Variants in CPAMD8 observed in about 807,000 individuals in gnomAD.
CPAMD8 encodes C3 and PZP-like alpha-2-macroglobulin domain-containing protein 8.
In CPAMD8, 146 loss-of-function variants were observed where a neutral mutation model predicts 224.7. That is an observed-to-expected ratio of 0.65 (90% confidence interval 0.57 to 0.75). The LOEUF is 0.75. Ranked by LOEUF, CPAMD8 falls within the 30% of genes least tolerant of loss-of-function variation. The pLI is 0.00. For missense variants in CPAMD8, 2,301 were observed against 2,537.5 expected (o/e 0.91, Z 2.00); for synonymous variants, 966 against 1,044.6 (o/e 0.92, Z 1.45).
intron 25 of CPAMD8, 95 bp downstream of exon 25, chr19:16,927,914 G>T: frequency 1.1e-6 from 1 of 907,110 alleles, no homozygotes; most frequent in South Asian, 1.4e-5. Flanking sequence ...CAAGACACAG[G>T]TCCCCAGCAA....
chr19:17,005,200 G>T (rs1458990608), intron 7 of CPAMD8, among the ~76,000 whole-genome samples: 4 of 151,442 alleles, frequency 2.6e-5, no homozygotes, highest in African/African-American at 9.7e-5. Flanking sequence ...TGCCAATATC[G>T]CCCCTAGGGG....
chr19:16,912,013 T>C (rs1413334236), intron 29 of CPAMD8, among the ~76,000 whole-genome samples: 1 of 152,170 alleles, frequency 6.6e-6, no homozygotes, highest in Non-Finnish European at 1.5e-5. Context: ...TAAAGCCTAA[T>C]GATCTGTCAC....
chr19:16,923,202 T>G (rs1170455595), intron 26 of CPAMD8, among the ~76,000 whole-genome samples: 1 of 152,044 alleles, frequency 6.6e-6, no homozygotes, highest in East Asian at 1.9e-4. Context: ...TGCAAGGGCA[T>G]AGGGAGCCAT....
Position 16,967,894 on chromosome 19 carries a change from T to TGTATATATGTGCATATACACACACACAC in CPAMD8, c.2213+2996_2213+2997insGTGTGTGTGTGTATATGCACATATATAC, listed in dbSNP as rs1568540084. On this transcript the variant is annotated intron_variant, in intron 18 of 41. Transcript: ENST00000443236. ...ATATGTGCATATATACACACACATG[T>TGTATATATGTGCATATACACACACACAC]GTGTGTATATATGTGCATATATACA... is the stretch of plus-strand genomic sequence containing the variant. Among the ~76,000 whole-genome samples the TGTATATATGTGCATATACACACACACAC allele has an allele frequency of 2.9e-4, 5 of 17,270 alleles. 1 individual carries two copies. Among genetic ancestry groups the TGTATATATGTGCATATACACACACACAC allele is most frequent in the African/African-American group, 3.7e-4 (5 of 13,460 alleles). 11.3% of individuals were successfully genotyped at this position (17,270 alleles called of 152,430 possible). A position where few individuals can be genotyped will look rare whatever the true frequency, so the allele number is the denominator to read the frequency against.
intron 30 of CPAMD8, 61 bp downstream of exon 30, chr19:16,906,891 A>T: frequency 6.8e-7 from 1 of 1,461,350 alleles, no homozygotes; most frequent in Non-Finnish European, 9.4e-7. Flanking sequence ...TGAGTTGTTT[A>T]CCAGACTCCA....
rs1286043008 is a variant in CPAMD8 at position 16,898,271 on chromosome 19, A to C, written c.4849-277T>G. Among the ~76,000 whole-genome samples, 2 of 151,016 alleles carry C rather than the reference A, an allele frequency of 1.3e-5. No homozygotes were observed. The highest frequency in any genetic ancestry group is 4.9e-5 in the African/African-American group (2 of 41,020). On this transcript the variant is annotated intron_variant, in intron 37 of 41. Coordinates refer to ENST00000443236, the MANE Select transcript of CPAMD8 (RefSeq NM_015692.5). This position sits in a 1 kb window ranked among gnomAD's most constrained non-coding sequence, Gnocchi z 4.2. ...ATGATTCTCCTGCCTCAGCCTCCCA[A>C]GTAGCTGGGATAACAGGCGCCCACC...
chr19:16,943,060 T>G (rs1272817654), intron 22 of CPAMD8, among the ~76,000 whole-genome samples: 2 of 148,162 alleles, frequency 1.3e-5, no homozygotes, highest in East Asian at 3.9e-4. Context: ...CAGGCTAGAG[T>G]GCAGTGTTGC....
chr19:16,914,591 C>A (rs967350526), intron 28 of CPAMD8, 66 bp downstream of exon 28: 10 of 1,611,908 alleles, frequency 6.2e-6, no homozygotes, highest in Non-Finnish European at 8.5e-6. Flanking sequence ...TAGGAACAGG[C>A]AGGTCAGGGC....
intron 3 of CPAMD8, among the ~76,000 whole-genome samples, chr19:17,015,578 C>T (rs2056789804): frequency 6.6e-6 from 1 of 152,186 alleles, no homozygotes; most frequent in Non-Finnish European, 1.5e-5. Flanking sequence ...CAGGACCAGC[C>T]TTCTGGACCT....
chr19:16,902,289 G>A (rs2052290319), intron 35 of CPAMD8, among the ~76,000 whole-genome samples: 1 of 152,064 alleles, frequency 6.6e-6, no homozygotes. Context: ...GGCTGAGGCG[G>A]GCAGATCACG....
intron 38 of CPAMD8, 41 bp from the exon 39 acceptor site, chr19:16,897,842 C>A (rs2052087063): frequency 1.3e-6 from 2 of 1,576,044 alleles, no homozygotes; most frequent in African/African-American, 1.3e-5. Context: ...GCAGGCGCGA[C>A]GGGTCAGGGA....
At position 16,903,833 on chromosome 19, in the gene CPAMD8, A is replaced by C; in HGVS notation, c.4276T>G (p.Leu1426Val). 2 of 1,613,940 alleles carry C rather than the reference A, an allele frequency of 1.2e-6. No homozygotes were observed. Among genetic ancestry groups the C allele is most frequent in the Non-Finnish European group, 1.7e-6 (2 of 1,180,020 alleles). Residue 1426 changes from leucine to valine, a missense_variant, in exon 33 of 42, where the codon TTG becomes GTG. Leu to Val is a conservative substitution (Grantham distance 32). Coordinates refer to ENST00000443236, the MANE Select transcript of CPAMD8 (RefSeq NM_015692.5). The stretch of plus-strand genomic sequence containing the variant: ...TAGGACAAGATGGCATATTCAGCCA[A>C]GGCCTGCAGAGCCACGCAGGTGTCC... ...TQDTCVALQALAEYAILSYAG... is the reference protein window; with the variant it reads ...TQDTCVALQAVAEYAILSYAG...
intron 20 of CPAMD8, among the ~76,000 whole-genome samples, chr19:16,948,776 G>A (rs1447263523): frequency 1.0e-4 from 15 of 145,204 alleles, no homozygotes; most frequent in African/African-American, 3.1e-4. Flanking sequence ...GAGAAAAGAC[G>A]GGAAAGGAGG....
intron 27 of CPAMD8, among the ~76,000 whole-genome samples, chr19:16,920,009 T>A (rs932893565): frequency 1.3e-5 from 2 of 152,170 alleles, no homozygotes; most frequent in Admixed American, 1.3e-4. Context: ...ACAGCTCACA[T>A]GAGACAGAGC....
intron 18 of CPAMD8, among the ~76,000 whole-genome samples, chr19:16,965,215 G>A (rs1454641113): frequency 2.0e-5 from 3 of 151,650 alleles, no homozygotes; most frequent in Admixed American, 6.6e-5. Context: ...AGCCGATATC[G>A]CACCACTGCA....
chr19:17,022,790 C>T (rs531306774), intron 1 of CPAMD8, among the ~76,000 whole-genome samples: 7 of 152,220 alleles, frequency 4.6e-5, no homozygotes, highest in South Asian at 2.1e-4. Context: ...TGATCCACCA[C>T]GCCTGGCCCT....
At chr19:16,903,942 A>C (rs937046106) in intron 32 of CPAMD8, 85 bp from the exon 33 acceptor site, 1 of 1,371,042 alleles carries the variant, frequency 7.3e-7, no homozygotes, top group Non-Finnish European at 1.0e-6. Context: ...AGCCTAGCCT[A>C]AAACAGGCAC....
chr19:16,975,254 A>G lies in CPAMD8; in HGVS notation c.1913T>C (p.Phe638Ser). Reference protein sequence around the residue: ...SGFRLTPAQVFQELEDYDVSD... With the variant: ...SGFRLTPAQVSQELEDYDVSD... The stretch of plus-strand genomic sequence containing the variant: ...AACATCATAATCTTCCAGTTCCTGG[A>G]AAACCTGCAGGCAAAGGGGGACAGA... The change falls in exon 17 of 42, where the codon TTC becomes TCC. Residue 638 changes from phenylalanine (F) to serine (S), a missense_variant. Phe to Ser is a radical substitution (Grantham distance 155). Around this residue, in one of 4 missense-constraint regions of CPAMD8, gnomAD observed 1,709 missense variants for 1,753.2 expected, o/e 0.97. Transcript: ENST00000443236. 1.2e-6 allele frequency: 2 copies of G among 1,601,920 alleles called. No homozygotes were observed. Among genetic ancestry groups the G allele is most frequent in the Non-Finnish European group, 1.7e-6 (2 of 1,173,620 alleles).
In CPAMD8 at chr19:16,912,310, A is replaced by G. The variant is rs145183836; in HGVS notation, c.3861+2114T>C. On this transcript the variant is annotated intron_variant, in intron 29 of 41. Coordinates refer to ENST00000443236, the MANE Select transcript of CPAMD8 (RefSeq NM_015692.5). Reference sequence around the variant, plus strand: ...GAACTCAGAAGACCAGGGAGAAACAACTGCTGCCCTGCAGGGCAGGCCTTC... The same window carrying G: ...GAACTCAGAAGACCAGGGAGAAACAGCTGCTGCCCTGCAGGGCAGGCCTTC... 2.2e-4 allele frequency among the ~76,000 whole-genome samples: 33 copies of G among 152,282 alleles called. 1 individual carries two copies. Among genetic ancestry groups the G allele is most frequent in the African/African-American group, 7.7e-4 (32 of 41,566 alleles).
Sources: allele counts gnomAD v4.1 joint callset (sites outside exome capture counted in the v4.1 genomes callset), GRCh38; gene constraint gnomAD v4.1.1; regional missense constraint gnomAD v4.1.1; non-coding constraint Gnocchi (gnomAD v3.1); transcripts MANE v1.5; gene names NCBI Gene and HGNC (gene_info 2026-07-23, HGNC 2026-07-21).